CCDC148: variants seen among roughly 807,000 people sequenced by gnomAD.
CCDC148 encodes coiled-coil domain containing 148, also known as coiled-coil domain-containing protein 148.
A neutral mutation model predicts 85.7 loss-of-function variants in CCDC148; 89 were observed. The ratio of observed to expected loss-of-function variants is 1.04; its 90% confidence interval spans 0.87 to 1.24. The LOEUF is 1.24. Among genes scored for constraint, CCDC148 ranks in the 50% most tolerant of loss-of-function variants. The pLI, the probability that CCDC148 is intolerant of heterozygous loss-of-function variation, is 0.00. For synonymous variants in CCDC148, 230 were observed against 213.9 expected (o/e 1.08, Z -0.66); for missense variants, 692 against 671.7 (o/e 1.03, Z -0.33).
At chr2:158,310,646 G>T (rs1243043253) in intron 8 of CCDC148, among the ~76,000 whole-genome samples, 1 of 149,958 alleles carries the variant, frequency 6.7e-6, no homozygotes, top group Non-Finnish European at 1.5e-5. Flanking sequence ...CCCAGACGGG[G>T]TCGTGGCCAG....
chr2:158,181,152 C>T (rs751324513), intron 11 of CCDC148, among the ~76,000 whole-genome samples: 5 of 152,118 alleles, frequency 3.3e-5, no homozygotes, highest in Non-Finnish European at 5.9e-5. Context: ...TTCTCAGAAC[C>T]TTTGGAAAGT....
At chr2:158,293,925 T>C (rs1691013392) in intron 9 of CCDC148, among the ~76,000 whole-genome samples, 2 of 146,978 alleles carry the variant, frequency 1.4e-5, no homozygotes. Flanking sequence ...ATGAGGGGCA[T>C]GGATGTGCCT....
Position 158,203,163 on chromosome 2 carries a change from AT to A in CCDC148, c.1370+17431del, listed in dbSNP as rs539810739. Among the ~76,000 whole-genome samples, 545 of 152,214 alleles carry A rather than the reference AT, an allele frequency of 3.6e-3. 2 individuals are homozygous for A. Among genetic ancestry groups the A allele is most frequent in the Middle Eastern group, 0.01 (3 of 294 alleles). ...ACTTAGAGTTGGAGAGCATTGTCTT[AT>A]TTGCTCCCTTCTGCAAGTGAAGCCA... On this transcript the variant is annotated intron_variant, in intron 11 of 13. Coordinates refer to ENST00000283233, the MANE Select transcript of CCDC148 (RefSeq NM_138803.4).
chr2:158,349,214 T>C (rs1683142189), intron 2 of CCDC148, among the ~76,000 whole-genome samples: 1 of 152,106 alleles, frequency 6.6e-6, no homozygotes, highest in Non-Finnish European at 1.5e-5. Flanking sequence ...GCTTTAAATG[T>C]TAACATTTTA....
At chr2:158,353,862 AT>A (rs1165805482) in intron 2 of CCDC148, among the ~76,000 whole-genome samples, 1 of 152,196 alleles carries the variant, frequency 6.6e-6, no homozygotes, top group Non-Finnish European at 1.5e-5. Flanking sequence ...AAGAACAGAA[AT>A]TATAACAAAC....
chr2:158,174,018 C>T (rs1409153256), intron 13 of CCDC148, among the ~76,000 whole-genome samples: 1 of 151,912 alleles, frequency 6.6e-6, no homozygotes, highest in African/African-American at 2.4e-5. Flanking sequence ...GATATTTTTA[C>T]CCTAAACATG....
At chr2:158,269,867 C>T (rs994590127) in intron 9 of CCDC148, among the ~76,000 whole-genome samples, 2 of 152,158 alleles carry the variant, frequency 1.3e-5, no homozygotes, top group African/African-American at 4.8e-5. Flanking sequence ...TAGGTGCTAT[C>T]CCTGCTAAGT....
At chr2:158,249,466 C>T (rs2105140456) in intron 10 of CCDC148, among the ~76,000 whole-genome samples, 1 of 152,246 alleles carries the variant, frequency 6.6e-6, no homozygotes, top group East Asian at 1.9e-4. Flanking sequence ...CATCAACTCT[C>T]TTGATAGGGA....
At chr2:158,241,766 G>A (rs74423936) in intron 10 of CCDC148, among the ~76,000 whole-genome samples, 2,582 of 152,116 alleles carry the variant, frequency 0.017, 24 homozygotes, top group South Asian at 0.027. Context: ...GAGGACATTC[G>A]TACCAATACT....
intron 1 of CCDC148, among the ~76,000 whole-genome samples, chr2:158,394,074 T>A (rs1440156498): frequency 6.6e-6 from 1 of 152,134 alleles, no homozygotes; most frequent in East Asian, 1.9e-4. Flanking sequence ...AAGAGGTATG[T>A]TTAAGGTTCA....
At chr2:158,448,889 G>A (rs142830846) in intron 1 of CCDC148, among the ~76,000 whole-genome samples, 1,570 of 151,654 alleles carry the variant, frequency 0.01, 34 homozygotes, top group African/African-American at 0.036. Flanking sequence ...GTGCAGTGGC[G>A]CAATCTCAGC....
chr2:158,397,849 A>T (rs1337317991), intron 1 of CCDC148, among the ~76,000 whole-genome samples: 1 of 152,134 alleles, frequency 6.6e-6, no homozygotes, highest in Non-Finnish European at 1.5e-5. Context: ...TTGGATAAAG[A>T]GTCAAGACCC....
At chr2:158,335,428 T>C (rs1161677733) in intron 7 of CCDC148, among the ~76,000 whole-genome samples, 1 of 152,144 alleles carries the variant, frequency 6.6e-6, no homozygotes, top group Non-Finnish European at 1.5e-5. Context: ...TAGTCTGTTC[T>C]GATGCTGTTA....
chr2:158,334,843 C>T (rs968953755), intron 7 of CCDC148, among the ~76,000 whole-genome samples: 10 of 152,036 alleles, frequency 6.6e-5, no homozygotes, highest in Non-Finnish European at 1.2e-4. Flanking sequence ...CAAGTCCCAT[C>T]CCTCCACCAT....
intron 10 of CCDC148, chr2:158,235,673 C>T (rs1162544151): frequency 6.6e-6 from 1 of 152,182 alleles, no homozygotes; most frequent in Non-Finnish European, 1.5e-5. Context: ...TTCCCATTCC[C>T]TTAATTTCTC....
chr2:158,307,312 C>T (rs1433106478), intron 9 of CCDC148, among the ~76,000 whole-genome samples: 1 of 152,052 alleles, frequency 6.6e-6, no homozygotes, highest in African/African-American at 2.4e-5. Context: ...GGCTAATAAA[C>T]ATATGAAAAG....
At chr2:158,250,664 G>A (rs2105141709) in intron 10 of CCDC148, 108 bp downstream of exon 10, 1 of 1,373,688 alleles carries the variant, frequency 7.3e-7, no homozygotes, top group East Asian at 2.7e-5. Context: ...CTTTATGAAT[G>A]TTCTCAGAAC....
At chr2:158,206,451 T>A (rs1301216875) in intron 11 of CCDC148, among the ~76,000 whole-genome samples, 1 of 152,184 alleles carries the variant, frequency 6.6e-6, no homozygotes, top group African/African-American at 2.4e-5. Context: ...GATCTACACA[T>A]GCACTGGTCC....
chr2:158,251,278 A>T (rs1022484821), intron 9 of CCDC148, among the ~76,000 whole-genome samples: 2 of 151,792 alleles, frequency 1.3e-5, no homozygotes, highest in Non-Finnish European at 2.9e-5. Flanking sequence ...ATTCTCAAAT[A>T]ATCCTAAAAT....
Sources: allele counts gnomAD v4.1 joint callset (sites outside exome capture counted in the v4.1 genomes callset), GRCh38; gene constraint gnomAD v4.1.1; transcripts MANE v1.5; gene names NCBI Gene and HGNC (gene_info 2026-07-23, HGNC 2026-07-21).